The following KIZ variants were observed in gnomAD, a reference collection of about 807,000 sequenced individuals.
KIZ encodes the protein centrosomal protein kizuna.
In KIZ, 68 loss-of-function variants were observed where a neutral mutation model predicts 79.6. That is an observed-to-expected ratio of 0.85 (90% CI 0.70 to 1.05). The LOEUF (loss-of-function observed/expected upper bound fraction) is 1.05. KIZ is among the 50% of genes least tolerant of loss of function. The pLI, the probability that KIZ is intolerant of heterozygous loss-of-function variation, is 0.00. For synonymous variants in KIZ, 280 were observed against 281.8 expected, an observed-to-expected ratio of 0.99 and a Z score of 0.06; for missense variants, 797 against 800.4, an observed-to-expected ratio of 1.00 and a Z score of 0.05.
intron 6 of KIZ, among the ~76,000 whole-genome samples, chr20:21,178,108 GA>G (rs1299898945): frequency 1.3e-5 from 2 of 151,254 alleles, no homozygotes; most frequent in African/African-American, 2.4e-5. Context: ...TTTTATTTCT[GA>G]AAAAAAATGC....
intron 4 of KIZ, chr20:21,154,315 A>C (rs535329011): frequency 6.6e-6 from 1 of 152,368 alleles, no homozygotes; most frequent in South Asian, 2.1e-4. Context: ...GCTGTAGTTC[A>C]TAATGATTAA....
intron 11 of KIZ, among the ~76,000 whole-genome samples, chr20:21,239,454 T>C (rs2037143147): frequency 6.6e-6 from 1 of 152,236 alleles, no homozygotes; most frequent in Non-Finnish European, 1.5e-5. Flanking sequence ...GACACATCTC[T>C]TAACCTCTCT....
At chr20:21,243,973 C>T (rs1172343195) in intron 11 of KIZ, among the ~76,000 whole-genome samples, 1 of 152,190 alleles carries the variant, frequency 6.6e-6, no homozygotes, top group Non-Finnish European at 1.5e-5. Flanking sequence ...CACGTGGCCC[C>T]ACACAGGCAC....
Position 21,232,909 on chromosome 20 carries a change from G to A in KIZ, c.1880+79G>A, listed in dbSNP as rs118176312. The A allele has an allele frequency of 7.8e-3, 5,637 of 722,166 alleles. 41 individuals carry two copies. Among genetic ancestry groups the A allele is most frequent in the Non-Finnish European group, 0.011 (4,406 of 393,382 alleles). 44.7% of individuals were successfully genotyped at this position (722,166 alleles called of 1,614,324 possible). ...GCGCAATGAATTAAACTCTGGCTGC[G>A]TATTATTTTGTTGTATGACTTGGAG... On this transcript the variant is annotated intron_variant, in intron 11 of 12. Coordinates refer to ENST00000619189, the MANE Select transcript of KIZ (RefSeq NM_018474.6).
intron 3 of KIZ, among the ~76,000 whole-genome samples, chr20:21,138,439 ATC>A (rs1298347927): frequency 6.6e-6 from 1 of 152,238 alleles, no homozygotes; most frequent in African/African-American, 2.4e-5. Context: ...TGCTGATGCT[ATC>A]TAATACAGCT....
chr20:21,232,574 C>A (rs1264555186), intron 10 of KIZ, among the ~76,000 whole-genome samples, 160 bp from the exon 11 acceptor site: 1 of 152,192 alleles, frequency 6.6e-6, no homozygotes, highest in Non-Finnish European at 1.5e-5. Flanking sequence ...ACCAGCATTT[C>A]ATTCTCTGCC....
At chr20:21,180,750 C>G (rs1246663455) in intron 6 of KIZ, among the ~76,000 whole-genome samples, 1 of 152,158 alleles carries the variant, frequency 6.6e-6, no homozygotes, top group Non-Finnish European at 1.5e-5. Flanking sequence ...GCCTCAGTGA[C>G]AGGCCAGGTA....
chr20:21,203,350 T>C (rs964077179), intron 6 of KIZ, among the ~76,000 whole-genome samples: 3 of 152,184 alleles, frequency 2.0e-5, no homozygotes, highest in African/African-American at 7.2e-5. Context: ...TAGATCCAAA[T>C]ATGTGATTAA....
At chr20:21,175,155 C>G (rs1387299123) in intron 6 of KIZ, among the ~76,000 whole-genome samples, 1 of 152,208 alleles carries the variant, frequency 6.6e-6, no homozygotes, top group Admixed American at 6.5e-5. Flanking sequence ...GGAAAAATAA[C>G]CCAGTGGCAG....
At chr20:21,143,996 TATTA>T (rs1360049567) in intron 3 of KIZ, 1 of 152,236 alleles carries the variant, frequency 6.6e-6, no homozygotes, top group African/African-American at 2.4e-5. Flanking sequence ...CTGTTTGCAT[TATTA>T]ATTTAGCTAA....
intron 6 of KIZ, among the ~76,000 whole-genome samples, chr20:21,179,853 CAT>C (rs10617082): frequency 0.027 from 4,099 of 152,244 alleles, 83 homozygotes; most frequent in Middle Eastern, 0.051. Context: ...TTAATTTCCA[CAT>C]GTTTGTGAAT....
chr20:21,228,009 A>G (rs2036712254), intron 9 of KIZ, among the ~76,000 whole-genome samples: 1 of 152,126 alleles, frequency 6.6e-6, no homozygotes, highest in Non-Finnish European at 1.5e-5. Context: ...TTAAATACTC[A>G]TTTTTATCTT....
At chr20:21,156,883 G>A (rs559364322) in intron 4 of KIZ, among the ~76,000 whole-genome samples, 18 of 152,270 alleles carry the variant, frequency 1.2e-4, no homozygotes, top group African/African-American at 4.1e-4. Flanking sequence ...GGGATAAAAT[G>A]TAAACATTTG....
At chr20:21,137,429 T>G (rs964439130) in intron 3 of KIZ, among the ~76,000 whole-genome samples, 1 of 151,696 alleles carries the variant, frequency 6.6e-6, no homozygotes, top group African/African-American at 2.4e-5. Context: ...CAGGAGGAGT[T>G]GGATTCAGTA....
intron 7 of KIZ, among the ~76,000 whole-genome samples, chr20:21,205,949 C>CA (rs113459299): frequency 0.018 from 2,231 of 123,652 alleles, 50 homozygotes; most frequent in African/African-American, 0.06. Context: ...GACACCATCT[C>CA]AAAAAAAAAA....
chr20:21,173,694 A>G (rs1232682961), intron 6 of KIZ, among the ~76,000 whole-genome samples: 1 of 151,934 alleles, frequency 6.6e-6, no homozygotes, highest in African/African-American at 2.4e-5. Flanking sequence ...TGAGTTATTT[A>G]TTGAGATAAG....
intron 4 of KIZ, chr20:21,151,349 G>A (rs2033106109): frequency 1.3e-5 from 2 of 152,128 alleles, no homozygotes; most frequent in Admixed American, 1.3e-4. Context: ...GGGACATTTG[G>A]CTAGCCAGCT....
chr20:21,126,085 G>A lies in KIZ; in HGVS notation c.-31G>A. ...AACCCCGGCCGAACGGCCACCCAGA[G>A]GCTGTGCTGAGCTGGCGCAGCGGCA... On this transcript the variant is annotated 5_prime_UTR_variant, in exon 1 of 13. Coordinates refer to ENST00000619189, the MANE Select transcript of KIZ (RefSeq NM_018474.6). 6.7e-7 allele frequency: 1 copy of A among 1,498,870 alleles called. No homozygotes were observed. The highest frequency in any genetic ancestry group is 8.9e-7 in the Non-Finnish European group (1 of 1,125,910). The allele number at this position is 1,498,870 out of a possible 1,614,324, so 92.8% of individuals were successfully genotyped here.
chr20:21,138,267 T>TG (rs1255487905), intron 3 of KIZ, among the ~76,000 whole-genome samples: 1 of 152,150 alleles, frequency 6.6e-6, no homozygotes, highest in Non-Finnish European at 1.5e-5. Context: ...TTGGCTATTT[T>TG]GAAAAAGGCA....
Sources: allele counts gnomAD v4.1 joint callset (sites outside exome capture counted in the v4.1 genomes callset), GRCh38; gene constraint gnomAD v4.1.1; transcripts MANE v1.5; gene names NCBI Gene and HGNC (gene_info 2026-07-23, HGNC 2026-07-21).